Variants in ENTHD1 observed in about 807,000 individuals in gnomAD.
ENTHD1 encodes the protein ENTH domain containing 1, also known as ENTH domain-containing protein 1.
In ENTHD1, 23 loss-of-function variants were observed where a neutral mutation model predicts 39.1. That is an observed-to-expected ratio of 0.59 (90% CI 0.42 to 0.83). The LOEUF (loss-of-function observed/expected upper bound fraction) is 0.83, where lower values mean the gene tolerates loss of function less well. Among genes scored for constraint, ENTHD1 ranks in the 40% least tolerant of loss-of-function variants. ENTHD1 has a pLI of 0.00. For synonymous variants in ENTHD1, 230 were observed against 258.2 expected, an observed-to-expected ratio of 0.89 and a Z score of 1.05; for missense variants, 624 against 705.4, an observed-to-expected ratio of 0.88 and a Z score of 1.31.
At chr22:39,853,575 T>C (rs1402146069) in intron 3 of ENTHD1, among the ~76,000 whole-genome samples, 1 of 151,886 alleles carries the variant, frequency 6.6e-6, no homozygotes, top group East Asian at 1.9e-4. Context: ...TTATTCTTCT[T>C]CTTATTATTA....
intron 3 of ENTHD1, among the ~76,000 whole-genome samples, chr22:39,836,496 AT>A (rs562053818): frequency 1.1e-3 from 165 of 152,296 alleles, no homozygotes; most frequent in African/African-American, 3.9e-3. Flanking sequence ...AACTGTAATT[AT>A]TTTAATTAAT....
At chr22:39,875,227 T>C in intron 2 of ENTHD1, 1 of 1,004,292 alleles carries the variant, frequency 1.0e-6, no homozygotes, top group East Asian at 3.8e-5. Flanking sequence ...GAAGAACACA[T>C]ACGGTATGCT....
chr22:39,890,806 T>C (rs933057194), intron 1 of ENTHD1, among the ~76,000 whole-genome samples: 14 of 152,204 alleles, frequency 9.2e-5, no homozygotes, highest in African/African-American at 3.4e-4. Context: ...TTCTTATCAC[T>C]TACTAATGTA....
chr22:39,870,538 G>A (rs967639466), intron 2 of ENTHD1, among the ~76,000 whole-genome samples: 2 of 152,060 alleles, frequency 1.3e-5, no homozygotes, highest in African/African-American at 2.4e-5. Context: ...CTCCAAAGAC[G>A]AAGTAAGATA....
intron 2 of ENTHD1, chr22:39,875,918 T>C: frequency 6.2e-7 from 1 of 1,613,906 alleles, no homozygotes; most frequent in Non-Finnish European, 8.5e-7. Context: ...GAAACCTGAA[T>C]GGGTTATCCT....
At chr22:39,795,417 T>C (rs527331736) in intron 5 of ENTHD1, among the ~76,000 whole-genome samples, 27 of 151,984 alleles carry the variant, frequency 1.8e-4, no homozygotes, top group African/African-American at 6.5e-4. Context: ...GGCTTTTTTT[T>C]TTCTTTTTTC....
intron 5 of ENTHD1, among the ~76,000 whole-genome samples, chr22:39,796,888 G>T (rs1381236721): frequency 6.6e-6 from 1 of 152,190 alleles, no homozygotes; most frequent in African/African-American, 2.4e-5. Context: ...GGTCCATTTA[G>T]TCTAAAGTGT....
intron 1 of ENTHD1, chr22:39,893,424 C>T (rs1601677456): frequency 6.6e-6 from 1 of 152,284 alleles, no homozygotes; most frequent in East Asian, 1.9e-4. Flanking sequence ...GGCGTTCGGC[C>T]ACACAGAGAA....
chr22:39,846,218 T>G (rs969253337), intron 3 of ENTHD1, among the ~76,000 whole-genome samples: 1 of 152,174 alleles, frequency 6.6e-6, no homozygotes, highest in African/African-American at 2.4e-5. Flanking sequence ...AGTTTCTTTT[T>G]GAGACAGGGT....
intron 5 of ENTHD1, among the ~76,000 whole-genome samples, chr22:39,784,295 T>C (rs2065436355): frequency 6.6e-6 from 1 of 152,044 alleles, no homozygotes; most frequent in African/African-American, 2.4e-5. Context: ...ATACTGTTGG[T>C]GGGAATGTAA....
rs375328695 is a variant in ENTHD1 at position 39,743,976 on chromosome 22, A to G, written c.1527T>C (p.Ser509=). The change falls in exon 7 of 7, where the codon TCT becomes TCC. Residue 509 remains serine, a synonymous_variant. Coordinates refer to ENST00000325157, the MANE Select transcript of ENTHD1 (RefSeq NM_152512.4). ...DSAKKNISHI[S]SSHWGEFSTQ... The stretch of plus-strand genomic sequence containing the variant: ...TGGAAAACTCCCCCCAGTGACTACT[A>G]GAAATGTGACTTATATTCTTTTTAG... The G allele has an allele frequency of 2.4e-5, 39 of 1,614,212 alleles. No individual in the cohort carries two copies. The highest frequency in any genetic ancestry group is 3.3e-5 in the Non-Finnish European group (39 of 1,180,024).
intron 2 of ENTHD1, among the ~76,000 whole-genome samples, chr22:39,868,835 A>G (rs918441921): frequency 6.6e-6 from 1 of 152,238 alleles, no homozygotes; most frequent in Non-Finnish European, 1.5e-5. Flanking sequence ...ACTTCTCAAA[A>G]GACATACAAT....
At chr22:39,871,223 G>A (rs769586672) in intron 2 of ENTHD1, among the ~76,000 whole-genome samples, 6 of 142,306 alleles carry the variant, frequency 4.2e-5, no homozygotes, top group East Asian at 2.2e-4. Flanking sequence ...AAATAAATAC[G>A]GACCTTCCTA....
intron 2 of ENTHD1, among the ~76,000 whole-genome samples, chr22:39,868,145 T>C (rs1569175360): frequency 6.6e-6 from 1 of 152,038 alleles, no homozygotes; most frequent in Non-Finnish European, 1.5e-5. Flanking sequence ...TACAACTTAT[T>C]TGTGGCTGTG....
chr22:39,744,171 A>G lies in ENTHD1; in HGVS notation c.1332T>C (p.Pro444=). Residue 444 remains proline, a synonymous_variant, in exon 7 of 7, where the codon CCT becomes CCC. Coordinates refer to ENST00000325157, the MANE Select transcript of ENTHD1 (RefSeq NM_152512.4). The part of the protein sequence containing the change: ...AHLLSPILAG[P]SFWTLSHQQL... ...GTTGATGGGACAGAGTCCAGAAGGA[A>G]GGTCCGGCCAGAATTGGTGATAAGA... 6.2e-7 allele frequency: 1 copy of G among 1,614,148 alleles called. No individual in the cohort carries two copies. The highest frequency in any genetic ancestry group is 1.7e-5 in the Admixed American group (1 of 60,010).
At chr22:39,845,761 C>T (rs2065982132) in intron 3 of ENTHD1, among the ~76,000 whole-genome samples, 2 of 152,042 alleles carry the variant, frequency 1.3e-5, no homozygotes, top group South Asian at 2.1e-4. Flanking sequence ...ATATTTGCTT[C>T]CTCTTTTTCT....
At chr22:39,791,867 C>T (rs2065507192) in intron 5 of ENTHD1, among the ~76,000 whole-genome samples, 1 of 151,906 alleles carries the variant, frequency 6.6e-6, no homozygotes, top group Admixed American at 6.6e-5. Flanking sequence ...TTTTGTTTTT[C>T]CTGAACTTCT....
chr22:39,854,789 A>G (rs753056126), intron 3 of ENTHD1, among the ~76,000 whole-genome samples: 5 of 152,178 alleles, frequency 3.3e-5, no homozygotes, highest in Non-Finnish European at 5.9e-5. Context: ...CACCATAAAG[A>G]AGGGAAGCAC....
intron 5 of ENTHD1, among the ~76,000 whole-genome samples, chr22:39,768,773 C>T (rs951148555): frequency 4.6e-5 from 7 of 151,716 alleles, no homozygotes; most frequent in Admixed American, 3.9e-4. Context: ...TTCTGTATAA[C>T]AATGTATATT....
Sources: allele counts gnomAD v4.1 joint callset (sites outside exome capture counted in the v4.1 genomes callset), GRCh38; gene constraint gnomAD v4.1.1; transcripts MANE v1.5; gene names NCBI Gene and HGNC (gene_info 2026-07-23, HGNC 2026-07-21).